The following RASA3 variants were observed in gnomAD, a reference collection of about 807,000 sequenced individuals.
The protein encoded by RASA3 is ras GTPase-activating protein 3.
RASA3 carries 73 observed loss-of-function variants against 110.0 expected under a neutral mutation model. That is an observed-to-expected ratio of 0.66 (90% CI 0.55 to 0.81). RASA3 has a LOEUF of 0.81. Ranked by LOEUF, RASA3 falls within the 30% of genes least tolerant of loss-of-function variation. The pLI, the probability that RASA3 is intolerant of heterozygous loss-of-function variation, is 0.00. For missense variants in RASA3, 976 were observed against 1,113.2 expected (o/e 0.88, Z 1.75); for synonymous variants, 500 against 451.4 (o/e 1.11, Z -1.37).
At chr13:114,040,340 C>T (rs1307947569) in intron 4 of RASA3, among the ~76,000 whole-genome samples, 3 of 126,216 alleles carry the variant, frequency 2.4e-5, no homozygotes, top group African/African-American at 9.1e-5. Flanking sequence ...CACGCACAAC[C>T]CAAAATCCAT....
intron 4 of RASA3, among the ~76,000 whole-genome samples, chr13:114,032,332 C>T (rs1259199917): frequency 1.3e-5 from 2 of 152,138 alleles, no homozygotes; most frequent in Non-Finnish European, 2.9e-5. Flanking sequence ...CAAAGCTTCT[C>T]CTCCTTAACC....
At chr13:114,087,202 TC>T (rs2079830818) in intron 1 of RASA3, among the ~76,000 whole-genome samples, 5 of 71,756 alleles carry the variant, frequency 7.0e-5, no homozygotes, top group Non-Finnish European at 1.7e-4. Flanking sequence ...GAGTATCGAC[TC>T]CCTTCGTCCT....
At chr13:114,079,870 A>C (rs1008283684) in intron 1 of RASA3, among the ~76,000 whole-genome samples, 1 of 150,702 alleles carries the variant, frequency 6.6e-6, no homozygotes, top group Non-Finnish European at 1.5e-5. Flanking sequence ...ACGAGGCTGC[A>C]CATCTCGGTG....
At chr13:114,075,445 G>A (rs146274598) in intron 1 of RASA3, among the ~76,000 whole-genome samples, 1,728 of 102,846 alleles carry the variant, frequency 0.017, 120 homozygotes, top group Admixed American at 0.11. Flanking sequence ...TCTGGACAAC[G>A]CCTCCCGTGT....
chr13:114,108,251 C>T (rs1270926088), intron 1 of RASA3, among the ~76,000 whole-genome samples: 5 of 135,098 alleles, frequency 3.7e-5, no homozygotes, highest in African/African-American at 1.1e-4. Context: ...CCATGTCTGT[C>T]ACCCTGCATC....
chr13:113,981,720 G>A lies in RASA3; in HGVS notation c.2384C>T (p.Ala795Val), dbSNP rs1281134349. 6.2e-7 allele frequency: 1 copy of A among 1,614,074 alleles called. No homozygotes were observed. The highest frequency in any genetic ancestry group is 8.5e-7 in the Non-Finnish European group (1 of 1,179,990). Residue 795 changes from alanine to valine, a missense_variant, in exon 23 of 24, where the codon GCC becomes GTC. Physicochemically the swap from Ala to Val is moderately conservative, Grantham distance 64. Coordinates refer to ENST00000334062, the MANE Select transcript of RASA3 (RefSeq NM_007368.4). ...CTTGAACTTGTCCCTCTTATACTGG[G>A]CGTGCTCCTGCTCCAAAGCCCCAAC... ...AGVGALEQEH[A>V]QYKRDKFKKT... is the part of the protein sequence containing the mutation.
In RASA3 at chr13:114,056,357, C is replaced by T. The variant is rs575634350; in HGVS notation, c.174-4202G>A. ...GCGCTAAGCACACCCCACAAACGGGCGCCGCGCACCTGGCATTTAACCCTG... is the reference window on the plus strand; with the variant it reads ...GCGCTAAGCACACCCCACAAACGGGTGCCGCGCACCTGGCATTTAACCCTG... On this transcript the variant is annotated intron_variant, in intron 2 of 23. Transcript: ENST00000334062. The surrounding 1 kb of genome is among the most constrained non-coding windows in gnomAD (Gnocchi z 5.7). 1.6e-5 allele frequency: 13 copies of T among 798,844 alleles called. No homozygotes were observed. The highest frequency in any genetic ancestry group is 1.3e-4 in the East Asian group (1 of 7,912). 49.5% of individuals were successfully genotyped at this position (798,844 alleles called of 1,614,324 possible).
intron 1 of RASA3, among the ~76,000 whole-genome samples, chr13:114,116,803 TGCATGTGTGTGAAGA>T (rs2080282237): frequency 9.6e-6 from 1 of 104,098 alleles, no homozygotes; most frequent in African/African-American, 4.1e-5. Flanking sequence ...GTGTGAGGGG[TGCATGTGTGTGAAGA>T]GAGCACGTGT....
intron 23 of RASA3, among the ~76,000 whole-genome samples, chr13:113,980,542 C>T: frequency 6.6e-6 from 1 of 152,178 alleles, no homozygotes. Context: ...CTACAACAAA[C>T]AGCATCATGC....
intron 14 of RASA3, among the ~76,000 whole-genome samples, chr13:114,013,591 T>TA (rs2053697143): frequency 2.0e-5 from 1 of 49,608 alleles, no homozygotes; most frequent in Non-Finnish European, 3.8e-5. Context: ...TCTCTCTCTC[T>TA]CTCCGTCTCT....
At chr13:114,043,197 T>C (rs2054452551) in intron 3 of RASA3, among the ~76,000 whole-genome samples, 1 of 152,022 alleles carries the variant, frequency 6.6e-6, no homozygotes, top group Non-Finnish European at 1.5e-5. Context: ...CAGCGCAAGG[T>C]CGGCCACATG....
intron 1 of RASA3, among the ~76,000 whole-genome samples, chr13:114,131,439 GA>G (rs2080517912): frequency 6.6e-6 from 1 of 152,166 alleles, no homozygotes; most frequent in African/African-American, 2.4e-5. Context: ...GGGGGAGGGG[GA>G]GGACTTCCAC....
chr13:114,028,797 G>A (rs1488627740), intron 5 of RASA3, among the ~76,000 whole-genome samples: 3 of 67,296 alleles, frequency 4.5e-5, no homozygotes, highest in Non-Finnish European at 5.2e-5. Context: ...CCTCTAAAAC[G>A]GCGTCATCCT....
intron 1 of RASA3, among the ~76,000 whole-genome samples, chr13:114,107,124 C>T (rs539701984): frequency 1.3e-5 from 2 of 152,208 alleles, no homozygotes; most frequent in Admixed American, 6.5e-5. Context: ...CCACGGTCTG[C>T]GGACAGCGTT....
chr13:114,017,413 G>C (rs2053818821), intron 11 of RASA3, 62 bp from the exon 12 acceptor site: 3 of 1,362,868 alleles, frequency 2.2e-6, no homozygotes, highest in Non-Finnish European at 3.1e-6. Flanking sequence ...AGACGGAGCA[G>C]AGCCTGGCCC....
intron 1 of RASA3, among the ~76,000 whole-genome samples, chr13:114,081,383 G>A (rs537752839): frequency 1.3e-4 from 20 of 152,308 alleles, no homozygotes; most frequent in South Asian, 4.1e-4. Flanking sequence ...CTCTCAAGGC[G>A]CGGGGGCCGC....
intron 18 of RASA3, among the ~76,000 whole-genome samples, chr13:114,003,870 G>A (rs567163754): frequency 6.1e-4 from 93 of 152,326 alleles, no homozygotes; most frequent in Middle Eastern, 3.4e-3. Context: ...AACCTCGTGC[G>A]TAAGGAATAA....
At chr13:114,024,501 C>T (rs1434776926) in intron 7 of RASA3, 146 bp from the exon 8 acceptor site, 11 of 746,488 alleles carry the variant, frequency 1.5e-5, no homozygotes, top group African/African-American at 3.5e-5. Context: ...AGGCGGGATT[C>T]GGGATTCAGG....
intron 2 of RASA3, among the ~76,000 whole-genome samples, chr13:114,054,888 C>T (rs749510328): frequency 2.0e-5 from 3 of 152,248 alleles, no homozygotes; most frequent in Admixed American, 6.5e-5. Context: ...CCTGCGTCTG[C>T]GTGGGCACCG....
Sources: gnomAD v4.1 joint callset for allele counts (sites outside exome capture counted in the v4.1 genomes callset) on GRCh38, gnomAD v4.1.1 for gene constraint, Gnocchi (gnomAD v3.1) non-coding constraint, MANE v1.5 for transcripts, NCBI Gene and HGNC (gene_info 2026-07-23, HGNC 2026-07-21) for gene names.